PTCH1: variants seen among roughly 807,000 people sequenced by gnomAD.
PTCH1 encodes the protein protein patched homolog 1.
A neutral mutation model predicts 144.6 loss-of-function variants in PTCH1; 14 were observed. The observed-to-expected ratio is 0.10, with a 90% CI of 0.06 to 0.15. The LOEUF (loss-of-function observed/expected upper bound fraction) is 0.15, where lower values mean the gene tolerates loss of function less well. Ranked by LOEUF, PTCH1 falls within the 10% of genes least tolerant of loss-of-function variation. The pLI is 1.00. For synonymous variants in PTCH1, 833 were observed against 793.6 expected, an observed-to-expected ratio of 1.05 and a Z score of -0.83; for missense variants, 1,623 against 1,948.3, an observed-to-expected ratio of 0.83 and a Z score of 3.14.
At chr9:95,452,261 TTGGCTA>T (rs1348087710) in intron 20 of PTCH1, 4 of 152,058 alleles carry the variant, frequency 2.6e-5, no homozygotes, top group Non-Finnish European at 5.9e-5. Context: ...TAATAAAACT[TTGGCTA>T]AAACTTCTAG....
intron 2 of PTCH1, among the ~76,000 whole-genome samples, chr9:95,505,289 C>T (rs928047902): frequency 1.3e-5 from 2 of 152,174 alleles, no homozygotes; most frequent in Admixed American, 1.3e-4. Context: ...GAGGAATGCT[C>T]CAGGTATTTT....
At position 95,508,449 on chromosome 9, in the gene PTCH1, G is replaced by C; in HGVS notation, c.-88C>G. On this transcript the variant is annotated 5_prime_UTR_variant, in exon 1 of 24. Transcript: ENST00000331920. ...TGCCGCTGCTGCGGGCTCCTGGCGC[G>C]CCTGGGCGCTCGGCTTGCGAGGACG... The C allele has an allele frequency of 9.7e-7, 1 of 1,028,380 alleles. No homozygotes were observed. The highest frequency in any genetic ancestry group is 1.2e-6 in the Non-Finnish European group (1 of 858,828). 63.7% of individuals were successfully genotyped at this position (1,028,380 alleles called of 1,614,324 possible).
chr9:95,475,296 C>T (rs974163263), intron 12 of PTCH1, among the ~76,000 whole-genome samples: 2 of 152,062 alleles, frequency 1.3e-5, no homozygotes, highest in Admixed American at 6.6e-5. Flanking sequence ...CTGGGGGTGA[C>T]GGGGCCTGGT....
chr9:95,502,556 A>T (rs919537653), intron 2 of PTCH1, among the ~76,000 whole-genome samples: 1 of 152,258 alleles, frequency 6.6e-6, no homozygotes. Context: ...TACTCCGCAC[A>T]TATGTGAAAC....
At chr9:95,451,031 A>G (rs576181224) in intron 20 of PTCH1, 5 of 152,288 alleles carry the variant, frequency 3.3e-5, no homozygotes, top group Admixed American at 6.5e-5. Context: ...CTATCTGTTA[A>G]TGGTCCTCTG....
At chr9:95,455,120 T>A (rs1838800437) in intron 19 of PTCH1, among the ~76,000 whole-genome samples, 1 of 152,250 alleles carries the variant, frequency 6.6e-6, no homozygotes, top group Admixed American at 6.5e-5. Flanking sequence ...AGAAAATAAT[T>A]TGAGCAGGCT....
intron 14 of PTCH1, 60 bp downstream of exon 14, chr9:95,468,691 A>G (rs1840262845): frequency 6.3e-7 from 1 of 1,591,946 alleles, no homozygotes; most frequent in Non-Finnish European, 8.6e-7. Flanking sequence ...AATCTGATGA[A>G]CTCCAAAGGT....
chr9:95,468,642 A>ATTT, intron 14 of PTCH1, 109 bp downstream of exon 14: 4 of 1,264,050 alleles, frequency 3.2e-6, no homozygotes, highest in Admixed American at 2.0e-5. Flanking sequence ...CTTAAACGAA[A>ATTT]TTTTTTTTTT....
Position 95,469,846 on chromosome 9 carries a change from T to C in PTCH1, c.1814A>G (p.Asp605Gly), listed in dbSNP as rs1840401551. 6.2e-7 allele frequency: 1 copy of C among 1,614,044 alleles called. No individual in the cohort carries two copies. Among genetic ancestry groups the C allele is most frequent in the East Asian group, 2.2e-5 (1 of 44,882 alleles). The change falls in exon 13 of 24, where the codon GAC (aspartate) becomes GGC (glycine). Residue 605 changes from aspartate to glycine, a missense_variant. This residue lies in a region of PTCH1 where 135 missense variants were observed against 228.7 expected (regional missense o/e 0.59). Coordinates refer to ENST00000331920, the MANE Select transcript of PTCH1 (RefSeq NM_000264.5). ...ILSMDLYRREDRRLDIFCCFT... is the reference protein window; with the variant it reads ...ILSMDLYRREGRRLDIFCCFT... ...ACAGCAGAAAATATCCAGTCTCCTG[T>C]CCTCGCGTCGATATAAATCCATGCT...
rs547652424 is a variant in PTCH1 at position 95,449,396 on chromosome 9, C to T, written c.3550-73G>A. The stretch of plus-strand genomic sequence containing the variant: ...CTGGCCACACTCAAAGCTCAAAGCA[C>T]GGTATTTTTCAGGGGCCTCTGTTCC... On this transcript the variant is annotated intron_variant, in intron 21 of 23. Coordinates refer to ENST00000331920, the MANE Select transcript of PTCH1 (RefSeq NM_000264.5). This position sits in a 1 kb window ranked among gnomAD's most constrained non-coding sequence, Gnocchi z 5.3. The T allele has an allele frequency of 8.3e-5, 127 of 1,532,586 alleles. No individual in the cohort carries two copies. The South Asian group carries it at 1.3e-3, about 16-fold the overall frequency. The allele number at this position is 1,532,586 out of a possible 1,614,324, so 94.9% of individuals were successfully genotyped here.
intron 15 of PTCH1, among the ~76,000 whole-genome samples, chr9:95,465,376 A>C (rs1269604421): frequency 6.6e-6 from 1 of 152,182 alleles, no homozygotes; most frequent in East Asian, 1.9e-4. Flanking sequence ...ATGGGGGGAA[A>C]ATGAAAGCAG....
At position 95,453,638 on chromosome 9, in the gene PTCH1, T is replaced by C. The variant is rs770552364; in HGVS notation, c.3307-18A>G. 2 of 1,612,964 alleles carry C rather than the reference T, an allele frequency of 1.2e-6. No individual in the cohort carries two copies. Among genetic ancestry groups the C allele is most frequent in the Non-Finnish European group, 1.7e-6 (2 of 1,179,976 alleles). On this transcript the variant is annotated intron_variant, in intron 19 of 23. Coordinates refer to ENST00000331920, the MANE Select transcript of PTCH1 (RefSeq NM_000264.5). ...AGAAAGGCCTGTGCAATGAGGATGT[T>C]CACAAGATCAGGTTGCTGGACTTCA...
chr9:95,483,978 A>G (rs1841774361), intron 3 of PTCH1: 2 of 152,224 alleles, frequency 1.3e-5, no homozygotes, highest in African/African-American at 4.8e-5. Flanking sequence ...ACTTGGACAA[A>G]TGCTCTAATT....
Position 95,467,158 on chromosome 9 carries a change from G to A in PTCH1, c.2518C>T (p.Leu840Phe), listed in dbSNP as rs2117948928. 1 of 1,614,256 alleles carries A rather than the reference G, an allele frequency of 6.2e-7. No individual in the cohort carries two copies. Among genetic ancestry groups the A allele is most frequent in the South Asian group, 1.1e-5 (1 of 91,086 alleles). ...KYVMLEENKQ[L>F]PKMWLHYFRD... ...AAGTAGTGCAGCCACATTTTGGGAA[G>A]CTGTTTGTTTTCTTCCAACATGACA... The change falls in exon 15 of 24, where the codon CTT (leucine) becomes TTT (phenylalanine). Residue 840 changes from leucine (L) to phenylalanine (F), a missense_variant. Transcript: ENST00000331920.
chr9:95,459,953 T>G, intron 16 of PTCH1, 170 bp from the exon 17 acceptor site: 2 of 746,362 alleles, frequency 2.7e-6, no homozygotes, highest in Admixed American at 4.2e-5. Context: ...TCTTTCAATG[T>G]GCACTTATCG....
At chr9:95,508,126 G>A (rs767473852) in intron 1 of PTCH1, 35 bp downstream of exon 1, 6 of 1,610,900 alleles carry the variant, frequency 3.7e-6, no homozygotes, top group Admixed American at 1.7e-5. Context: ...TTAGAGGAGG[G>A]AAGAGAAAGT....
chr9:95,462,774 G>T (rs28377268), intron 15 of PTCH1, among the ~76,000 whole-genome samples: 33,077 of 152,114 alleles, frequency 0.22, 5,804 homozygotes, highest in African/African-American at 0.49. Context: ...AGCCGGGGAG[G>T]GGGAGGAAAG....
At chr9:95,469,974 G>C in intron 12 of PTCH1, 43 bp from the exon 13 acceptor site, 1 of 1,386,170 alleles carries the variant, frequency 7.2e-7, no homozygotes, top group Non-Finnish European at 1.0e-6. Flanking sequence ...ACATGCCTCC[G>C]CCCAATCAGA....
chr9:95,508,314 G>C lies in PTCH1; in HGVS notation c.48C>G (p.Gly16=), dbSNP rs587780706. Residue 16 remains glycine, a synonymous_variant, in exon 1 of 24, where the codon GGC becomes GGG. Coordinates refer to ENST00000331920, the MANE Select transcript of PTCH1 (RefSeq NM_000264.5). ...NAAEPQDRGG[G]GSGCIGAPGR... Reference sequence around the variant, plus strand: ...CCGGGGCACCGATACAGCCGCTGCCGCCGCCGCCGCGGTCCTGGGGCTCGG... The same window carrying C: ...CCGGGGCACCGATACAGCCGCTGCCCCCGCCGCCGCGGTCCTGGGGCTCGG... 1 of 1,388,656 alleles carries C rather than the reference G, an allele frequency of 7.2e-7. No individual in the cohort carries two copies. The highest frequency in any genetic ancestry group is 9.3e-7 in the Non-Finnish European group (1 of 1,077,774). 86.0% of individuals were successfully genotyped at this position (1,388,656 alleles called of 1,614,324 possible).
Sources: gnomAD v4.1 joint callset for allele counts (sites outside exome capture counted in the v4.1 genomes callset) on GRCh38, gnomAD v4.1.1 for gene constraint, gnomAD v4.1.1 regional missense constraint, Gnocchi (gnomAD v3.1) non-coding constraint, MANE v1.5 for transcripts, NCBI Gene and HGNC (gene_info 2026-07-23, HGNC 2026-07-21) for gene names.